Variants in FAF1 observed in about 807,000 individuals in gnomAD.
FAF1 encodes FAS-associated factor 1.
Under a neutral mutation model 92.5 loss-of-function variants are expected in FAF1, and 25 were observed. The ratio of observed to expected loss-of-function variants is 0.27; its 90% CI spans 0.20 to 0.38. The LOEUF is 0.38. Ranked by LOEUF, FAF1 falls within the 10% of genes least tolerant of loss-of-function variation. FAF1 has a pLI of 1.00. For synonymous variants in FAF1, 234 were observed against 273.2 expected, an observed-to-expected ratio of 0.86 and a Z score of 1.42; for missense variants, 636 against 793.3, an observed-to-expected ratio of 0.80 and a Z score of 2.38.
chr1:50,736,822 A>G (rs1214463762), intron 6 of FAF1, among the ~76,000 whole-genome samples: 2 of 152,196 alleles, frequency 1.3e-5, no homozygotes, highest in African/African-American at 2.4e-5. Flanking sequence ...AATAAAACTC[A>G]CAACTTAAAA....
chr1:50,740,044 G>T (rs970775041), intron 5 of FAF1, among the ~76,000 whole-genome samples: 5 of 151,946 alleles, frequency 3.3e-5, no homozygotes, highest in African/African-American at 1.2e-4. Flanking sequence ...GATATTTTTT[G>T]AGCCACCTAC....
intron 15 of FAF1, among the ~76,000 whole-genome samples, chr1:50,523,792 T>C (rs571363336): frequency 9.2e-5 from 14 of 152,204 alleles, no homozygotes; most frequent in South Asian, 2.1e-4. Flanking sequence ...TAGTCTCCCA[T>C]TGATGGGCAT....
chr1:50,955,589 A>G (rs933514471), intron 1 of FAF1, among the ~76,000 whole-genome samples: 1 of 152,222 alleles, frequency 6.6e-6, no homozygotes, highest in African/African-American at 2.4e-5. Flanking sequence ...GTTCCTCAAA[A>G]AAATTAAAAA....
At chr1:50,733,568 G>T (rs1230928935) in intron 6 of FAF1, among the ~76,000 whole-genome samples, 1 of 152,150 alleles carries the variant, frequency 6.6e-6, no homozygotes, top group African/African-American at 2.4e-5. Context: ...AATCTGATGG[G>T]ATTGATGTCC....
intron 1 of FAF1, among the ~76,000 whole-genome samples, chr1:50,925,204 C>T (rs1482221555): frequency 1.3e-5 from 2 of 152,098 alleles, no homozygotes; most frequent in Non-Finnish European, 2.9e-5. Flanking sequence ...TCACTACATA[C>T]AAAAATTAAC....
chr1:50,651,517 A>T (rs1557456542), intron 8 of FAF1, among the ~76,000 whole-genome samples: 1 of 152,188 alleles, frequency 6.6e-6, no homozygotes, highest in Non-Finnish European at 1.5e-5. Context: ...AATTTCTTCA[A>T]CTGAGCAATA....
intron 2 of FAF1, among the ~76,000 whole-genome samples, chr1:50,849,145 T>C (rs1235785571): frequency 6.6e-6 from 1 of 151,784 alleles, no homozygotes; most frequent in East Asian, 1.9e-4. Flanking sequence ...CACATGCCTG[T>C]AATCCCAGCT....
intron 8 of FAF1, among the ~76,000 whole-genome samples, chr1:50,598,332 A>G (rs978443066): frequency 1.3e-5 from 2 of 151,714 alleles, no homozygotes; most frequent in African/African-American, 2.4e-5. Flanking sequence ...GCATGGTGGA[A>G]CACACCCATA....
At chr1:50,839,461 A>C (rs914431675) in intron 2 of FAF1, among the ~76,000 whole-genome samples, 1 of 152,184 alleles carries the variant, frequency 6.6e-6, no homozygotes, top group African/African-American at 2.4e-5. Context: ...GAATTTCATA[A>C]GGCCATGATC....
rs1651088545 is a variant in FAF1, at chr1:50,583,646, C to A, written c.1031+6G>T. ...CAAATTTATATAGTTAATGTCCTAA[C>A]CCTACCTTGAAGAAAACTCTGCTGT... On this transcript the variant is annotated splice_donor_region_variant and intron_variant, in intron 11 of 18. Transcript: ENST00000396153. The surrounding 1 kb of genome is among the most constrained non-coding windows in gnomAD (Gnocchi z 4.2). 4.5e-6 allele frequency: 7 copies of A among 1,561,868 alleles called. No homozygotes were observed. Among genetic ancestry groups the A allele is most frequent in the South Asian group, 2.4e-5 (2 of 82,792 alleles).
At chr1:50,767,085 T>C (rs1053446682) in intron 4 of FAF1, among the ~76,000 whole-genome samples, 5 of 152,098 alleles carry the variant, frequency 3.3e-5, no homozygotes, top group Admixed American at 6.6e-5. Flanking sequence ...ATAAAATGAT[T>C]TGGGAGATGA....
At chr1:50,909,195 T>C (rs1644863757) in intron 1 of FAF1, among the ~76,000 whole-genome samples, 1 of 152,226 alleles carries the variant, frequency 6.6e-6, no homozygotes, top group South Asian at 2.1e-4. Flanking sequence ...GAATGTTGAA[T>C]ATTGGACCCC....
At chr1:50,712,395 C>A (rs151009110) in intron 6 of FAF1, among the ~76,000 whole-genome samples, 3 of 152,190 alleles carry the variant, frequency 2.0e-5, no homozygotes, top group Admixed American at 6.6e-5. Flanking sequence ...GTAGCTCACA[C>A]CTGTAATCCT....
At chr1:50,650,177 G>A (rs997990531) in intron 8 of FAF1, among the ~76,000 whole-genome samples, 3 of 151,554 alleles carry the variant, frequency 2.0e-5, no homozygotes, top group Admixed American at 2.0e-4. Context: ...CCAGCTACTC[G>A]GGAGGCTGAG....
At chr1:50,516,288 A>G (rs897282247) in intron 15 of FAF1, among the ~76,000 whole-genome samples, 2 of 152,118 alleles carry the variant, frequency 1.3e-5, no homozygotes, top group African/African-American at 4.8e-5. Flanking sequence ...GCCTATCCTC[A>G]TCTCTTATTC....
intron 4 of FAF1, among the ~76,000 whole-genome samples, chr1:50,761,510 C>A (rs1387592562): frequency 3.3e-5 from 5 of 151,976 alleles, no homozygotes; most frequent in African/African-American, 4.8e-5. Context: ...GGGCTTCATC[C>A]CTGGGATGCA....
At chr1:50,592,704 T>C (rs1245979644) in intron 9 of FAF1, among the ~76,000 whole-genome samples, 1 of 152,134 alleles carries the variant, frequency 6.6e-6, no homozygotes, top group Non-Finnish European at 1.5e-5. Context: ...CCCCAACACT[T>C]TGGGAGGCCA....
In FAF1 at chr1:50,724,308, C is replaced by CACACACAT. The variant is rs1553132439; in HGVS notation, c.551+14554_551+14555insATGTGTGT. ...ACACACACACACATACACACACACA[C>CACACACAT]ACACACACACACACACACACACCCC... On this transcript the variant is annotated intron_variant, in intron 6 of 18. Coordinates refer to ENST00000396153, the MANE Select transcript of FAF1 (RefSeq NM_007051.3). 9.1e-3 allele frequency among the ~76,000 whole-genome samples: 1,278 copies of CACACACAT among 140,142 alleles called. 22 individuals are homozygous for CACACACAT. The highest frequency in any genetic ancestry group is 0.031 in the African/African-American group (1,208 of 39,046). The allele number at this position is 140,142 out of a possible 152,430, so 91.9% of individuals were successfully genotyped here. A position where few individuals can be genotyped will look rare whatever the true frequency, so the allele number is the denominator to read the frequency against.
In FAF1 at chr1:50,663,684, T is replaced by A. The variant is rs12086040; in HGVS notation, c.658-8156A>T. 5.4e-3 allele frequency among the ~76,000 whole-genome samples: 823 copies of A among 151,736 alleles called. 32 individuals carry two copies. The highest frequency in any genetic ancestry group is 0.019 in the African/African-American group (787 of 41,032). ...TCCCAAAGTGCTAGGATTACTGGCG[T>A]GAGCCACCGCGCCCGGCCAGAAGCA... On this transcript the variant is annotated intron_variant, in intron 7 of 18. Transcript: ENST00000396153.
Sources: allele counts gnomAD v4.1 joint callset (sites outside exome capture counted in the v4.1 genomes callset), GRCh38; gene constraint gnomAD v4.1.1; non-coding constraint Gnocchi (gnomAD v3.1); transcripts MANE v1.5; gene names NCBI Gene and HGNC (gene_info 2026-07-23, HGNC 2026-07-21).